Variants in ADCY1 observed in about 807,000 individuals in gnomAD.
ADCY1 encodes adenylate cyclase type 1.
Under a neutral mutation model 105.4 loss-of-function variants are expected in ADCY1, and 28 were observed. That is an observed-to-expected ratio of 0.27 (90% CI 0.20 to 0.36). The LOEUF (loss-of-function observed/expected upper bound fraction) is 0.36, where lower values mean the gene tolerates loss of function less well. Ranked by LOEUF, ADCY1 falls within the 10% of genes least tolerant of loss-of-function variation. The probability of loss-of-function intolerance (pLI) is 1.00; values close to 1 mark genes in which losing one functional copy is unlikely to be tolerated. For synonymous variants in ADCY1, 655 were observed against 623.8 expected, an observed-to-expected ratio of 1.05 and a Z score of -0.75; for missense variants, 977 against 1,434.2, an observed-to-expected ratio of 0.68 and a Z score of 5.15.
intron 1 of ADCY1, among the ~76,000 whole-genome samples, 165 bp from the exon 2 acceptor site, chr7:45,592,594 G>A (rs764417508): frequency 2.0e-5 from 3 of 152,186 alleles, no homozygotes; most frequent in Non-Finnish European, 4.4e-5. Context: ...GGGTGAGGAC[G>A]AGCTCCTGCC....
chr7:45,606,117 G>A (rs1234913213), intron 2 of ADCY1, among the ~76,000 whole-genome samples: 1 of 152,132 alleles, frequency 6.6e-6, no homozygotes, highest in Non-Finnish European at 1.5e-5. Context: ...GTCCCTCATG[G>A]TCCCCGCTAA....
chr7:45,636,743 A>G (rs7808825), intron 4 of ADCY1, among the ~76,000 whole-genome samples: 61,507 of 152,040 alleles, frequency 0.4, 12,875 homozygotes, highest in East Asian at 0.71. Flanking sequence ...TGTTCACCAT[A>G]TTGGCCAGGC....
At chr7:45,675,968 T>C (rs1784448936) in intron 8 of ADCY1, among the ~76,000 whole-genome samples, 1 of 152,202 alleles carries the variant, frequency 6.6e-6, no homozygotes, top group Non-Finnish European at 1.5e-5. Flanking sequence ...TACACCCTTT[T>C]TCTTCCTTTC....
Position 45,619,561 on chromosome 7 carries a change from G to A in ADCY1, c.909-3071G>A, listed in dbSNP as rs139610002. On this transcript the variant is annotated intron_variant, in intron 3 of 19. Transcript: ENST00000297323. ...ATACAACATACACACACACATATAC[G>A]TAACAGAAAAGAAGGAAATCTTGCC... Among the ~76,000 whole-genome samples the A allele has an allele frequency of 2.4e-3, 364 of 152,066 alleles. 2 individuals carry two copies. Among genetic ancestry groups the A allele is most frequent in the Non-Finnish European group, 2.2e-3 (147 of 67,940 alleles).
intron 14 of ADCY1, among the ~76,000 whole-genome samples, chr7:45,698,202 G>C (rs11982719): frequency 0.18 from 27,631 of 151,732 alleles, 2,811 homozygotes; most frequent in African/African-American, 0.27. Flanking sequence ...CACCACTTAT[G>C]GACTTCCTAG....
intron 14 of ADCY1, among the ~76,000 whole-genome samples, chr7:45,687,777 G>A (rs1011114420): frequency 2.0e-5 from 3 of 152,202 alleles, no homozygotes; most frequent in African/African-American, 7.2e-5. Flanking sequence ...GCCAGAAGGT[G>A]GCTGAGCTGG....
At chr7:45,670,815 T>C (rs1784350386) in intron 8 of ADCY1, among the ~76,000 whole-genome samples, 1 of 150,906 alleles carries the variant, frequency 6.6e-6, no homozygotes, top group South Asian at 2.1e-4. Flanking sequence ...GGTGGACCCA[T>C]GTTCGTCTGC....
intron 5 of ADCY1, among the ~76,000 whole-genome samples, chr7:45,655,153 T>TG (rs1439467539): frequency 6.6e-6 from 1 of 152,222 alleles, no homozygotes; most frequent in Non-Finnish European, 1.5e-5. Flanking sequence ...AGTGAATGAA[T>TG]GTATGCTTAC....
intron 4 of ADCY1, among the ~76,000 whole-genome samples, chr7:45,631,933 A>G (rs550266829): frequency 6.6e-6 from 1 of 152,318 alleles, no homozygotes; most frequent in Admixed American, 6.5e-5. Flanking sequence ...GGGGTTTTAT[A>G]GTTTGAGGTT....
intron 8 of ADCY1, among the ~76,000 whole-genome samples, chr7:45,666,363 C>T (rs1177273986): frequency 2.0e-5 from 3 of 152,182 alleles, no homozygotes; most frequent in Non-Finnish European, 2.9e-5. Flanking sequence ...TCAATTCCCA[C>T]ATGTAAGTGA....
intron 11 of ADCY1, chr7:45,684,717 T>C: frequency 3.2e-6 from 1 of 316,444 alleles, no homozygotes; most frequent in Non-Finnish European, 5.9e-6. Flanking sequence ...CCAATCAAAG[T>C]TACAATGCAA....
intron 5 of ADCY1, among the ~76,000 whole-genome samples, chr7:45,656,271 G>C (rs894801847): frequency 2.6e-5 from 4 of 151,538 alleles, no homozygotes; most frequent in South Asian, 2.1e-4. Context: ...CCACTGCACT[G>C]CAGCCTGGGC....
chr7:45,721,396 G>T lies in ADCY1; in HGVS notation c.*7401G>T. On this transcript the variant is annotated 3_prime_UTR_variant, in exon 20 of 20. Coordinates refer to ENST00000297323, the MANE Select transcript of ADCY1 (RefSeq NM_021116.4). ...CAGACTATATTCTAAAACTATATTT[G>T]AGCGAAACCTGTCATTGCGTCTAAT... 1 of 331,388 alleles carries T rather than the reference G, an allele frequency of 3.0e-6. No homozygotes were observed. The highest frequency in any genetic ancestry group is 5.4e-6 in the Non-Finnish European group (1 of 184,308). The allele number at this position is 331,388 out of a possible 1,614,324, so 20.5% of individuals were successfully genotyped here. A position where few individuals can be genotyped will look rare whatever the true frequency, so the allele number is the denominator to read the frequency against.
At chr7:45,628,088 A>C (rs1794116299) in intron 4 of ADCY1, among the ~76,000 whole-genome samples, 1 of 152,196 alleles carries the variant, frequency 6.6e-6, no homozygotes. Context: ...GGGACACCTT[A>C]AGGTGGATTC....
rs1170456374 is a variant in ADCY1, at chr7:45,686,328, A to G, written c.2327+113A>G. On this transcript the variant is annotated intron_variant, in intron 13 of 19. Coordinates refer to ENST00000297323, the MANE Select transcript of ADCY1 (RefSeq NM_021116.4). This position sits in a 1 kb window ranked among gnomAD's most constrained non-coding sequence, Gnocchi z 4.3. The stretch of plus-strand genomic sequence containing the variant: ...CAGAACTAGTCAAGTTGAATTGTAT[A>G]CACAATTTTTAGTTTGGTGGCTGCT... The G allele has an allele frequency of 4.7e-6, 7 of 1,477,626 alleles. No individual in the cohort carries two copies. Among genetic ancestry groups the G allele is most frequent in the East Asian group, 2.3e-5 (1 of 43,488 alleles). 91.5% of individuals were successfully genotyped at this position (1,477,626 alleles called of 1,614,324 possible). A position where few individuals can be genotyped will look rare whatever the true frequency, so the allele number is the denominator to read the frequency against.
chr7:45,579,923 C>T (rs1792475124), intron 1 of ADCY1, among the ~76,000 whole-genome samples: 1 of 152,150 alleles, frequency 6.6e-6, no homozygotes, highest in Non-Finnish European at 1.5e-5. Flanking sequence ...AGGGGACATC[C>T]ATGCCCCTGG....
chr7:45,585,993 C>T (rs1262823283), intron 1 of ADCY1, among the ~76,000 whole-genome samples: 1 of 152,102 alleles, frequency 6.6e-6, no homozygotes, highest in Admixed American at 6.5e-5. Flanking sequence ...TGTTGAGACA[C>T]GTGGGGAGCG....
rs1377348358 is a variant in ADCY1 at position 45,719,042 on chromosome 7, A to T, written c.*5047A>T. 6.5e-6 allele frequency: 1 copy of T among 152,810 alleles called. No individual in the cohort carries two copies. The highest frequency in any genetic ancestry group is 6.5e-5 in the Admixed American group (1 of 15,282). 9.5% of individuals were successfully genotyped at this position (152,810 alleles called of 1,614,324 possible). ...GATTCTGTGTGAACTGACAGCAGGG[A>T]GCTGAAGGACAGGCCCCGGCCTTGG... On this transcript the variant is annotated 3_prime_UTR_variant, in exon 20 of 20. Transcript: ENST00000297323.
chr7:45,689,887 G>C (rs1784755085), intron 14 of ADCY1, among the ~76,000 whole-genome samples: 1 of 152,262 alleles, frequency 6.6e-6, no homozygotes, highest in South Asian at 2.1e-4. Flanking sequence ...AAAGGGACGA[G>C]GAACATGGCA....
Sources: gnomAD v4.1 joint callset for allele counts (sites outside exome capture counted in the v4.1 genomes callset) on GRCh38, gnomAD v4.1.1 for gene constraint, Gnocchi (gnomAD v3.1) non-coding constraint, MANE v1.5 for transcripts, NCBI Gene and HGNC (gene_info 2026-07-23, HGNC 2026-07-21) for gene names.